FHIT: variants seen among roughly 807,000 people sequenced by gnomAD.
FHIT encodes the protein bis(5'-adenosyl)-triphosphatase.
Under a neutral mutation model 17.9 loss-of-function variants are expected in FHIT, and 19 were observed. The observed-to-expected ratio is 1.06, with a 90% CI of 0.74 to 1.56. The LOEUF (loss-of-function observed/expected upper bound fraction) is 1.56. Among genes scored for constraint, FHIT ranks in the 40% most tolerant of loss-of-function variants. The pLI is 0.00. For synonymous variants in FHIT, 81 were observed against 69.7 expected (o/e 1.16, Z -0.81); for missense variants, 248 against 189.2 (o/e 1.31, Z -1.82).
At chr3:59,964,800 G>A (rs541526894) in intron 7 of FHIT, among the ~76,000 whole-genome samples, 1 of 146,754 alleles carries the variant, frequency 6.8e-6, no homozygotes, top group Admixed American at 6.6e-5. Flanking sequence ...TAATTATTCT[G>A]TGTTATTATT....
chr3:60,926,293 T>A (rs7611169), intron 3 of FHIT, among the ~76,000 whole-genome samples: 2 of 152,026 alleles, frequency 1.3e-5, no homozygotes, highest in African/African-American at 2.4e-5. Context: ...CAAAATTGAC[T>A]ACATAGTTGG....
intron 3 of FHIT, among the ~76,000 whole-genome samples, chr3:60,976,702 A>C (rs1242852325): frequency 1.3e-5 from 2 of 152,190 alleles, no homozygotes; most frequent in Non-Finnish European, 1.5e-5. Context: ...CATGAAACAA[A>C]ATATTCCTCA....
At chr3:59,942,043 C>T (rs1367168698) in intron 7 of FHIT, among the ~76,000 whole-genome samples, 1 of 152,202 alleles carries the variant, frequency 6.6e-6, no homozygotes, top group Non-Finnish European at 1.5e-5. Context: ...GGAATCATCT[C>T]ACGATCTATA....
At chr3:60,038,151 A>T (rs1701297850) in intron 5 of FHIT, among the ~76,000 whole-genome samples, 1 of 152,170 alleles carries the variant, frequency 6.6e-6, no homozygotes, top group Admixed American at 6.5e-5. Context: ...ATATTTTAAA[A>T]TTTTATGTTC....
At chr3:60,332,178 A>G (rs2106858314) in intron 5 of FHIT, among the ~76,000 whole-genome samples, 1 of 152,332 alleles carries the variant, frequency 6.6e-6, no homozygotes, top group Non-Finnish European at 1.5e-5. Context: ...CCTACTATTA[A>G]CCTCATTTGA....
intron 1 of FHIT, among the ~76,000 whole-genome samples, chr3:61,218,116 T>C (rs2039737061): frequency 6.6e-6 from 1 of 152,134 alleles, no homozygotes; most frequent in African/African-American, 2.4e-5. Context: ...GTAAGTTATC[T>C]GTAAGTAGGA....
intron 7 of FHIT, among the ~76,000 whole-genome samples, chr3:59,944,524 T>TA (rs397807377): frequency 1.8e-4 from 27 of 151,224 alleles, no homozygotes; most frequent in Admixed American, 1.5e-3. Flanking sequence ...CTTTTTTTTT[T>TA]ATTTAAACTT....
At chr3:60,058,723 G>C (rs965200351) in intron 5 of FHIT, among the ~76,000 whole-genome samples, 6 of 152,184 alleles carry the variant, frequency 3.9e-5, no homozygotes, top group African/African-American at 1.4e-4. Context: ...TCCACTGATA[G>C]TGACAGCTAG....
chr3:60,589,957 TAAATTTAC>T (rs1423276966), intron 4 of FHIT, among the ~76,000 whole-genome samples: 17 of 152,168 alleles, frequency 1.1e-4, no homozygotes, highest in African/African-American at 4.1e-4. Flanking sequence ...CAACTCTGGG[TAAATTTAC>T]AAACTTTAGT....
At chr3:60,394,334 T>C (rs564977231) in intron 5 of FHIT, among the ~76,000 whole-genome samples, 56 of 152,310 alleles carry the variant, frequency 3.7e-4, no homozygotes, top group African/African-American at 1.3e-3. Context: ...GTAAGCTAAA[T>C]GCCCACTTAA....
chr3:60,174,266 G>C (rs1701568576), intron 5 of FHIT, among the ~76,000 whole-genome samples: 1 of 151,794 alleles, frequency 6.6e-6, no homozygotes, highest in Admixed American at 6.6e-5. Context: ...AAATCTTATG[G>C]CTACACCACA....
intron 5 of FHIT, among the ~76,000 whole-genome samples, chr3:60,391,098 G>A (rs1374109763): frequency 7.2e-5 from 11 of 152,222 alleles, no homozygotes; most frequent in African/African-American, 2.4e-4. Context: ...TGAAGGACGA[G>A]AATTGCTTGA....
chr3:60,983,682 A>T (rs1016824335), intron 3 of FHIT, among the ~76,000 whole-genome samples: 1 of 152,162 alleles, frequency 6.6e-6, no homozygotes, highest in Non-Finnish European at 1.5e-5. Flanking sequence ...GATCTGGAGG[A>T]TGGCCTAAAC....
intron 2 of FHIT, among the ~76,000 whole-genome samples, chr3:61,148,698 T>A (rs987335201): frequency 6.6e-6 from 1 of 152,196 alleles, no homozygotes; most frequent in African/African-American, 2.4e-5. Context: ...GCATATGCAA[T>A]AATTTCTCTT....
At chr3:60,225,580 G>A (rs528394384) in intron 5 of FHIT, among the ~76,000 whole-genome samples, 1 of 152,228 alleles carries the variant, frequency 6.6e-6, no homozygotes, top group Non-Finnish European at 1.5e-5. Context: ...GCAGAATGGT[G>A]TGAGTAGGTT....
chr3:61,195,274 CA>C (rs941921811), intron 2 of FHIT, among the ~76,000 whole-genome samples: 48 of 148,164 alleles, frequency 3.2e-4, no homozygotes, highest in East Asian at 9.9e-4. Context: ...AAGCACTTCT[CA>C]AAAAAAAAGA....
At position 60,850,699 on chromosome 3, in the gene FHIT, T is replaced by G. The variant is rs574262492; in HGVS notation, c.-110-28688A>C. Reference sequence around the variant, plus strand: ...CCTATGGCCAACCAGGTCCAATGAATTCCTTTATAAAGCTCCTCTCCTCAG... The same window carrying G: ...CCTATGGCCAACCAGGTCCAATGAAGTCCTTTATAAAGCTCCTCTCCTCAG... On this transcript the variant is annotated intron_variant, in intron 3 of 9. Transcript: ENST00000492590. 4.6e-5 allele frequency among the ~76,000 whole-genome samples: 7 copies of G among 152,194 alleles called. No individual in the cohort carries two copies. In the South Asian group the frequency reaches 1.2e-3, roughly 27 times the overall value.
At chr3:60,981,950 A>T (rs1012306951) in intron 3 of FHIT, among the ~76,000 whole-genome samples, 1 of 152,072 alleles carries the variant, frequency 6.6e-6, no homozygotes, top group South Asian at 2.1e-4. Context: ...CCTACAAAAC[A>T]TCCCTCGAGT....
chr3:60,254,868 G>A (rs773122789), intron 5 of FHIT, among the ~76,000 whole-genome samples: 1 of 152,188 alleles, frequency 6.6e-6, no homozygotes, highest in Non-Finnish European at 1.5e-5. Flanking sequence ...AATATTTGAT[G>A]TGACTTTTTG....
Sources: allele counts gnomAD v4.1 joint callset (sites outside exome capture counted in the v4.1 genomes callset), GRCh38; gene constraint gnomAD v4.1.1; transcripts MANE v1.5; gene names NCBI Gene and HGNC (gene_info 2026-07-23, HGNC 2026-07-21).